The following NRL variants were observed in gnomAD, a reference collection of about 807,000 sequenced individuals.
The protein encoded by NRL is neural retina-specific leucine zipper protein.
A neutral mutation model predicts 12.5 loss-of-function variants in NRL; 16 were observed. The observed-to-expected ratio is 1.28, with a 90% CI of 0.87 to 1.95. NRL has a LOEUF of 1.95. Ranked by LOEUF, NRL falls within the 30% of genes most tolerant of loss-of-function variation. The pLI is 0.00. For synonymous variants in NRL, 142 were observed against 150.9 expected, an observed-to-expected ratio of 0.94 and a Z score of 0.43; for missense variants, 314 against 325.8, an observed-to-expected ratio of 0.96 and a Z score of 0.28.
intron 1 of NRL, chr14:24,098,927 A>G: frequency 1.2e-6 from 1 of 800,438 alleles, no homozygotes; most frequent in South Asian, 1.6e-5. Flanking sequence ...GGGGGGCTTC[A>G]GCCACCTCTT....
In NRL at chr14:24,080,388, C is replaced by T. The variant is rs2084610268; in HGVS notation, c.*848G>A. ...TGTGCATCCCCTGCCTAGGCTGCAG[C>T]TGGGAAACTGCAGCAGGATAGGAGG... On this transcript the variant is annotated 3_prime_UTR_variant, in exon 3 of 3. Transcript: ENST00000561028. The T allele has an allele frequency of 2.0e-5, 3 of 152,356 alleles. No individual in the cohort carries two copies. The highest frequency in any genetic ancestry group is 1.3e-4 in the Admixed American group (2 of 15,286). The allele number at this position is 152,356 out of a possible 1,614,324, so 9.4% of individuals were successfully genotyped here. A position where few individuals can be genotyped will look rare whatever the true frequency, so the allele number is the denominator to read the frequency against.
intron 2 of NRL, 98 bp downstream of exon 2, chr14:24,082,370 T>C: frequency 6.7e-7 from 1 of 1,488,922 alleles, no homozygotes. Flanking sequence ...CTGTCCCCTG[T>C]CCCAGTCCAT....
intron 1 of NRL, among the ~76,000 whole-genome samples, chr14:24,105,114 A>G (rs1193738142): frequency 1.3e-5 from 2 of 152,284 alleles, no homozygotes; most frequent in East Asian, 1.9e-4. Context: ...TAGATTAACT[A>G]AAAGTATTCC....
rs149467663 is a variant in NRL at position 24,100,023 on chromosome 14, C to T, written c.-28+14699G>A. The stretch of plus-strand genomic sequence containing the variant: ...GACTCCGGGCCATCAACCCTGAGAA[C>T]GGCTTCTTTGGGGTTGCCCCTGGTA... On this transcript the variant is annotated intron_variant, in intron 1 of 2. Coordinates refer to ENST00000561028, the MANE Select transcript of NRL (RefSeq NM_001354768.3). 7.7e-4 allele frequency: 1,250 copies of T among 1,614,106 alleles called. 2 individuals carry two copies. Among genetic ancestry groups the T allele is most frequent in the Non-Finnish European group, 1.0e-3 (1,197 of 1,179,952 alleles).
At chr14:24,100,481 T>A in intron 1 of NRL, 1 of 821,434 alleles carries the variant, frequency 1.2e-6, no homozygotes, top group Non-Finnish European at 1.7e-6. Context: ...AGTACCTATC[T>A]CATGAGATTG....
chr14:24,109,502 T>C (rs1566585943), intron 1 of NRL, among the ~76,000 whole-genome samples: 4 of 152,130 alleles, frequency 2.6e-5, no homozygotes, highest in Admixed American at 6.5e-5. Context: ...GAGACCATCC[T>C]GGCTAACATG....
intron 1 of NRL, chr14:24,099,213 G>A: frequency 6.3e-7 from 1 of 1,598,716 alleles, no homozygotes; most frequent in Non-Finnish European, 8.5e-7. Flanking sequence ...CCGGGATGAG[G>A]GCTGGCTGGC....
At chr14:24,086,608 C>A (rs1333710139) in intron 1 of NRL, among the ~76,000 whole-genome samples, 1 of 152,330 alleles carries the variant, frequency 6.6e-6, no homozygotes, top group South Asian at 2.1e-4. Context: ...AGGAAAGAGA[C>A]TCTACAATTT....
rs1268130451 is a variant in NRL at position 24,079,489 on chromosome 14, T to C, written c.*1747A>G. ...GCCAGAGAGGATGGCCAGTGGCCAA[T>C]GGTGGGGAAGGGAGAGGAGACGAGA... On this transcript the variant is annotated 3_prime_UTR_variant, in exon 3 of 3. Transcript: ENST00000561028. Among the ~76,000 whole-genome samples, 2 of 151,870 alleles carry C rather than the reference T, an allele frequency of 1.3e-5. No homozygotes were observed. Among genetic ancestry groups the C allele is most frequent in the African/African-American group, 4.8e-5 (2 of 41,312 alleles).
rs920195466 is a variant in NRL, at chr14:24,078,737, T to C, written c.*2499A>G. On this transcript the variant is annotated 3_prime_UTR_variant, in exon 3 of 3. Transcript: ENST00000561028. The stretch of plus-strand genomic sequence containing the variant: ...ATTTATTCTCAGTAGGTGGTTACCA[T>C]TATTTTCACCATTTTTCTGACAATC... Among the ~76,000 whole-genome samples, 1 of 152,232 alleles carries C rather than the reference T, an allele frequency of 6.6e-6. No homozygotes were observed. The highest frequency in any genetic ancestry group is 2.4e-5 in the African/African-American group (1 of 41,442).
At chr14:24,101,766 C>T (rs1175334482) in intron 1 of NRL, among the ~76,000 whole-genome samples, 3 of 151,914 alleles carry the variant, frequency 2.0e-5, no homozygotes, top group Non-Finnish European at 4.4e-5. Flanking sequence ...CAATAAAATA[C>T]AAAAATTAGC....
At position 24,094,281 on chromosome 14, in the gene NRL, CT is replaced by C; in HGVS notation, c.-27-11407del. 2.0e-6 allele frequency: 2 copies of C among 978,192 alleles called. No individual in the cohort carries two copies. Among genetic ancestry groups the C allele is most frequent in the East Asian group, 2.9e-5 (1 of 34,786 alleles). The allele number at this position is 978,192 out of a possible 1,614,324, so 60.6% of individuals were successfully genotyped here. On this transcript the variant is annotated intron_variant, in intron 1 of 2. Coordinates refer to ENST00000561028, the MANE Select transcript of NRL (RefSeq NM_001354768.3). The surrounding 1 kb of genome is among the most constrained non-coding windows in gnomAD (Gnocchi z 4.1). Reference sequence around the variant, plus strand: ...TTCCGCCCCCGCGCCTGCCCCCCTCCTTTTTAAGCGCCTCCCGCCAGCCTCT... The same window carrying C: ...TTCCGCCCCCGCGCCTGCCCCCCTCCTTTTAAGCGCCTCCCGCCAGCCTCT...
Position 24,081,508 on chromosome 14 carries a change from G to T in NRL, c.442C>A (p.Gln148Lys). ...TCGTCGCGCCCGCAGCCCCGCAGCT[G>T]CCGGTTTAGCTCCCGCACAGACATC... ...VSMSVRELNR[Q>K]LRGCGRDEAL... The change falls in exon 3 of 3, where the codon CAG (glutamine) becomes AAG (lysine). Residue 148 changes from glutamine to lysine, a missense_variant. By Grantham distance (53) the Gln-to-Lys change is moderately conservative (BLOSUM62 1). Coordinates refer to ENST00000561028, the MANE Select transcript of NRL (RefSeq NM_001354768.3). The surrounding 1 kb of genome is among the most constrained non-coding windows in gnomAD (Gnocchi z 4.4). 6.2e-7 allele frequency: 1 copy of T among 1,602,016 alleles called. No individual in the cohort carries two copies. Among genetic ancestry groups the T allele is most frequent in the Non-Finnish European group, 8.5e-7 (1 of 1,176,040 alleles).
chr14:24,081,621 G>C lies in NRL; in HGVS notation c.382-53C>G, dbSNP rs2036307567. On this transcript the variant is annotated intron_variant, in intron 2 of 2. Coordinates refer to ENST00000561028, the MANE Select transcript of NRL (RefSeq NM_001354768.3). This position sits in a 1 kb window ranked among gnomAD's most constrained non-coding sequence, Gnocchi z 4.4. ...TCAGCGCCAGGTCGCACCCGGCTCT[G>C]CCCTGAGGGCCCGACGCTACCTGGC... The C allele has an allele frequency of 9.1e-6, 14 of 1,546,136 alleles. No individual in the cohort carries two copies. The South Asian group carries it at 1.5e-4, about 17-fold the overall frequency.
intron 2 of NRL, 93 bp downstream of exon 2, chr14:24,082,375 G>A: frequency 6.5e-7 from 1 of 1,526,936 alleles, no homozygotes; most frequent in Non-Finnish European, 9.0e-7. Flanking sequence ...CCCTGTCCCA[G>A]TCCATAACCC....
intron 1 of NRL, among the ~76,000 whole-genome samples, chr14:24,084,903 C>G (rs925833348): frequency 3.9e-5 from 6 of 152,150 alleles, no homozygotes; most frequent in Admixed American, 2.6e-4. Context: ...GAACCACCAC[C>G]CCTCTATGTG....
intron 1 of NRL, among the ~76,000 whole-genome samples, chr14:24,113,351 A>G (rs1225244673): frequency 1.3e-5 from 2 of 149,852 alleles, no homozygotes; most frequent in Non-Finnish European, 3.0e-5. Flanking sequence ...CACAATGTGC[A>G]CATGTACCCT....
intron 1 of NRL, chr14:24,098,245 G>A (rs1013259889): frequency 4.3e-6 from 7 of 1,613,870 alleles, no homozygotes; most frequent in Non-Finnish European, 5.9e-6. Context: ...CACGAGTAGA[G>A]AGCAAGACGG....
intron 1 of NRL, among the ~76,000 whole-genome samples, chr14:24,107,097 G>A (rs1220180277): frequency 6.6e-6 from 1 of 152,086 alleles, no homozygotes; most frequent in African/African-American, 2.4e-5. Context: ...AAAGGAACAT[G>A]AGCAATGTAA....
Sources: allele counts gnomAD v4.1 joint callset (sites outside exome capture counted in the v4.1 genomes callset), GRCh38; gene constraint gnomAD v4.1.1; non-coding constraint Gnocchi (gnomAD v3.1); transcripts MANE v1.5; gene names NCBI Gene and HGNC (gene_info 2026-07-23, HGNC 2026-07-21).